The following CATSPERT variants were observed in gnomAD, a reference collection of about 807,000 sequenced individuals.
CATSPERT encodes the protein catsper channel auxiliary subunit tau, also known as cation channel sperm-associated targeting subunit tau.
At chr2:201,577,995 C>T in the CATSPERT span, among the ~76,000 whole-genome samples, 319 of 152,090 alleles carry the variant, frequency 2.1e-3, no homozygotes, top group African/African-American at 7.3e-3. Flanking sequence ...CTGTATTTAT[C>T]AAGTAAAAAT....
At chr2:201,559,062 CT>C in the CATSPERT span, among the ~76,000 whole-genome samples, 1 of 152,220 alleles carries the variant, frequency 6.6e-6, no homozygotes, top group Non-Finnish European at 1.5e-5. Flanking sequence ...CGAAGAGACT[CT>C]TGAGCCTCAG....
At chr2:201,557,222 A>G in the CATSPERT span, 2 of 152,226 alleles carry the variant, frequency 1.3e-5, no homozygotes, top group East Asian at 3.8e-4. Context: ...TGATTTTTAA[A>G]ATATTTACTT....
chr2:201,513,622 A>G, the CATSPERT span, among the ~76,000 whole-genome samples: 1 of 152,332 alleles, frequency 6.6e-6, no homozygotes, highest in African/African-American at 2.4e-5. Flanking sequence ...AAAAAGACAT[A>G]TGCATTTGTA....
At chr2:201,566,322 C>T in the CATSPERT span, among the ~76,000 whole-genome samples, 3 of 151,248 alleles carry the variant, frequency 2.0e-5, no homozygotes, top group South Asian at 6.3e-4. Context: ...TCGTCATTTA[C>T]ATTAGGTATA....
chr2:201,610,585 A>G, the CATSPERT span, among the ~76,000 whole-genome samples: 1 of 152,226 alleles, frequency 6.6e-6, no homozygotes, highest in Non-Finnish European at 1.5e-5. Context: ...AAAATGAAGA[A>G]GACAGAATTC....
At chr2:201,589,595 A>G in the CATSPERT span, among the ~76,000 whole-genome samples, 1 of 152,190 alleles carries the variant, frequency 6.6e-6, no homozygotes, top group African/African-American at 2.4e-5. Flanking sequence ...ACCATATACA[A>G]AAATTCACTC....
chr2:201,588,824 C>T, the CATSPERT span, among the ~76,000 whole-genome samples: 1 of 151,856 alleles, frequency 6.6e-6, no homozygotes, highest in African/African-American at 2.4e-5. Context: ...TCAAACTATC[C>T]GTTTGCAGAT....
chr2:201,519,721 A>G, the CATSPERT span, among the ~76,000 whole-genome samples: 2 of 152,132 alleles, frequency 1.3e-5, no homozygotes, highest in African/African-American at 4.8e-5. Context: ...AAAAAATACA[A>G]TCAAGAGCTT....
the CATSPERT span, chr2:201,604,839 T>A: frequency 4.5e-6 from 2 of 441,412 alleles, no homozygotes; most frequent in Non-Finnish European, 3.9e-6. Context: ...AAGAAACTCA[T>A]CCCTATCCTC....
chr2:201,575,276 C>G, the CATSPERT span: 10 of 1,580,866 alleles, frequency 6.3e-6, no homozygotes, highest in South Asian at 1.2e-4. Flanking sequence ...TCAGTAAAGT[C>G]CTTACTATGT....
the CATSPERT span, among the ~76,000 whole-genome samples, chr2:201,616,908 C>A: frequency 7.8e-3 from 1,191 of 152,224 alleles, 5 homozygotes; most frequent in Middle Eastern, 0.024. Flanking sequence ...TTCCTATACA[C>A]CAATAACAGA....
chr2:201,584,326 G>A, the CATSPERT span, among the ~76,000 whole-genome samples: 8,179 of 151,972 alleles, frequency 0.054, 263 homozygotes, highest in African/African-American at 0.076. Flanking sequence ...ATAAAGATCA[G>A]AAGAATTACT....
the CATSPERT span, chr2:201,550,416 C>T: frequency 6.6e-6 from 1 of 152,194 alleles, no homozygotes; most frequent in South Asian, 2.1e-4. Flanking sequence ...TAATTCTAGC[C>T]CTATTTAGCC....
the CATSPERT span, chr2:201,493,204 C>T: frequency 6.5e-7 from 1 of 1,535,128 alleles, no homozygotes; most frequent in Non-Finnish European, 8.7e-7. Flanking sequence ...TAAAGTAGAA[C>T]TGAGATCATT....
chr2:201,566,000 A>G, the CATSPERT span: 2 of 779,012 alleles, frequency 2.6e-6, no homozygotes, highest in African/African-American at 3.6e-5. Context: ...TGGGCCATCG[A>G]AGGCTAGAGC....
At chr2:201,583,337 C>G in the CATSPERT span, among the ~76,000 whole-genome samples, 1 of 152,150 alleles carries the variant, frequency 6.6e-6, no homozygotes, top group East Asian at 1.9e-4. Flanking sequence ...ATGGAGAACC[C>G]CTTCTCCCAT....
chr2:201,502,330 T>C, the CATSPERT span, among the ~76,000 whole-genome samples: 7 of 152,112 alleles, frequency 4.6e-5, no homozygotes, highest in African/African-American at 1.2e-4. Flanking sequence ...TCCCAGCACT[T>C]TGGGAGGCCG....
the CATSPERT span, among the ~76,000 whole-genome samples, chr2:201,592,728 G>A: frequency 1.2e-4 from 19 of 152,258 alleles, no homozygotes; most frequent in East Asian, 3.5e-3. Context: ...ATGTGCCGAC[G>A]AATTTATCCA....
chr2:201,493,317 T>C, the CATSPERT span: 1 of 1,536,768 alleles, frequency 6.5e-7, no homozygotes, highest in Non-Finnish European at 8.7e-7. Context: ...GGTCTTCCTG[T>C]ATAAATTCAG....
Sources: allele counts gnomAD v4.1 joint callset (sites outside exome capture counted in the v4.1 genomes callset), GRCh38; gene constraint gnomAD v4.1.1; transcripts MANE v1.5; gene names NCBI Gene and HGNC (gene_info 2026-07-23, HGNC 2026-07-21).